The following PRSS12 variants were observed in gnomAD, a reference collection of about 807,000 sequenced individuals.
PRSS12 encodes the protein neurotrypsin.
Under a neutral mutation model 104.4 loss-of-function variants are expected in PRSS12, and 85 were observed. That is an observed-to-expected ratio of 0.81 (90% CI 0.68 to 0.98). PRSS12 has a LOEUF of 0.98. PRSS12 is among the 50% of genes least tolerant of loss of function. PRSS12 has a pLI of 0.00. For missense variants in PRSS12, 1,141 were observed against 1,139.2 expected (o/e 1.00, Z -0.02); for synonymous variants, 454 against 425.2 (o/e 1.07, Z -0.83).
At chr4:118,327,217 C>A (rs1350733944) in intron 4 of PRSS12, among the ~76,000 whole-genome samples, 1 of 152,006 alleles carries the variant, frequency 6.6e-6, no homozygotes, top group Non-Finnish European at 1.5e-5. Flanking sequence ...TGCAGTGGTG[C>A]AACTGCAACT....
intron 4 of PRSS12, among the ~76,000 whole-genome samples, chr4:118,321,202 G>A (rs943304796): frequency 6.6e-6 from 1 of 152,150 alleles, no homozygotes; most frequent in African/African-American, 2.4e-5. Context: ...TTTGCTAAGG[G>A]AAATGTAATG....
chr4:118,342,405 A>C (rs370541387), intron 1 of PRSS12, among the ~76,000 whole-genome samples: 47 of 152,306 alleles, frequency 3.1e-4, no homozygotes, highest in African/African-American at 9.6e-4. Context: ...TCGATACTCT[A>C]GTCAGAGCTT....
Position 118,281,799 on chromosome 4 carries a change from AGGG to A in PRSS12, c.*134_*136del. The stretch of plus-strand genomic sequence containing the variant: ...TGTTCACAAATTTCTCAAAAGCAGC[AGGG>A]GGTACACAATTTTTTACCACAACAC... On this transcript the variant is annotated 3_prime_UTR_variant, in exon 13 of 13. Transcript: ENST00000296498. 1.4e-6 allele frequency: 1 copy of A among 692,124 alleles called. No homozygotes were observed. Among genetic ancestry groups the A allele is most frequent in the Non-Finnish European group, 2.6e-6 (1 of 377,880 alleles). The allele number at this position is 692,124 out of a possible 1,614,324, so 42.9% of individuals were successfully genotyped here. A position where few individuals can be genotyped will look rare whatever the true frequency, so the allele number is the denominator to read the frequency against.
rs1724532461 is a variant in PRSS12, at chr4:118,352,354, G to A, written c.367C>T (p.Pro123Ser). The change falls in exon 1 of 13, where the codon CCC becomes TCC. Residue 123 changes from proline to serine, a missense_variant. By Grantham distance (74) the Pro-to-Ser change is moderately conservative (BLOSUM62 -1). Transcript: ENST00000296498. ...AEVPPFLERSPPASWAQLRGQ... is the reference protein window; with the variant it reads ...AEVPPFLERSSPASWAQLRGQ... ...CGCAGCTGAGCCCAGCTCGCTGGGG[G>A]CGACCGCTCCAGGAAGGGTGGCACC... The A allele has an allele frequency of 2.5e-6, 4 of 1,570,872 alleles. No homozygotes were observed. The East Asian group carries it at 6.9e-5, about 27-fold the overall frequency.
At chr4:118,299,765 TAAATAAAATAAAATA>T (rs1258442709) in intron 8 of PRSS12, among the ~76,000 whole-genome samples, 2 of 77,338 alleles carry the variant, frequency 2.6e-5, no homozygotes, top group African/African-American at 9.7e-5. Context: ...TAAATAAAAT[TAAATAAAATAAAATA>T]AAATAAAATA....
Position 118,326,916 on chromosome 4 carries a change from T to C in PRSS12, c.971+4800A>G, listed in dbSNP as rs57988254. ...AATCTTTTGGCTTCCCTGGGCCACATTGGAAGAAGAAGACTTATCTTGGGC... is the reference window on the plus strand; with the variant it reads ...AATCTTTTGGCTTCCCTGGGCCACACTGGAAGAAGAAGACTTATCTTGGGC... On this transcript the variant is annotated intron_variant, in intron 4 of 12. Coordinates refer to ENST00000296498, the MANE Select transcript of PRSS12 (RefSeq NM_003619.4). 5.2e-3 allele frequency among the ~76,000 whole-genome samples: 797 copies of C among 152,236 alleles called. 4 individuals are homozygous for C. The highest frequency in any genetic ancestry group is 0.017 in the African/African-American group (725 of 41,550).
chr4:118,309,661 C>T (rs954428681), intron 7 of PRSS12, among the ~76,000 whole-genome samples: 36 of 152,138 alleles, frequency 2.4e-4, no homozygotes, highest in African/African-American at 7.5e-4. Context: ...TACCTAGTTA[C>T]TAGAAGGGTC....
chr4:118,327,534 C>T (rs1442878939), intron 4 of PRSS12, among the ~76,000 whole-genome samples: 1 of 151,846 alleles, frequency 6.6e-6, no homozygotes, highest in Admixed American at 6.6e-5. Flanking sequence ...AATTTTAGAG[C>T]AAAAAAGTAA....
chr4:118,331,582 T>A, intron 4 of PRSS12, 134 bp downstream of exon 4: 1 of 1,213,310 alleles, frequency 8.2e-7, no homozygotes, highest in Non-Finnish European at 1.2e-6. Flanking sequence ...CCTACAGCCC[T>A]ACTACAAAGA....
At chr4:118,302,569 G>T (rs956714266) in intron 8 of PRSS12, among the ~76,000 whole-genome samples, 3 of 152,140 alleles carry the variant, frequency 2.0e-5, no homozygotes, top group African/African-American at 7.2e-5. Context: ...TGGGATTAGA[G>T]GCATAAGCCA....
chr4:118,284,328 A>G (rs1742966801), intron 11 of PRSS12, among the ~76,000 whole-genome samples: 1 of 152,184 alleles, frequency 6.6e-6, no homozygotes, highest in African/African-American at 2.4e-5. Flanking sequence ...CCTCTGACCT[A>G]GAATGCATGA....
intron 10 of PRSS12, 103 bp from the exon 11 acceptor site, chr4:118,295,164 TG>T: frequency 6.9e-7 from 1 of 1,445,720 alleles, no homozygotes; most frequent in South Asian, 1.2e-5. Flanking sequence ...GCCTTGCAGG[TG>T]GGGGAAAAGG....
chr4:118,283,950 TAA>T (rs1024774735), intron 11 of PRSS12, among the ~76,000 whole-genome samples: 3 of 152,268 alleles, frequency 2.0e-5, no homozygotes, highest in Admixed American at 6.5e-5. Flanking sequence ...AAAAATTGAT[TAA>T]GTTAGTGAAT....
intron 9 of PRSS12, 65 bp downstream of exon 9, chr4:118,298,668 G>T: frequency 7.1e-7 from 1 of 1,416,176 alleles, no homozygotes; most frequent in Non-Finnish European, 1.0e-6. Context: ...TCAAAGTACT[G>T]CTTATAGTAA....
At chr4:118,284,395 C>T (rs897828334) in intron 11 of PRSS12, among the ~76,000 whole-genome samples, 2 of 152,202 alleles carry the variant, frequency 1.3e-5, no homozygotes, top group African/African-American at 4.8e-5. Context: ...GCTCCATGCT[C>T]ATTGCATTCC....
intron 11 of PRSS12, among the ~76,000 whole-genome samples, chr4:118,294,713 T>A (rs1381007192): frequency 6.6e-6 from 1 of 152,164 alleles, no homozygotes; most frequent in Non-Finnish European, 1.5e-5. Flanking sequence ...CCCCTGTTCT[T>A]CTATTCTCCC....
intron 3 of PRSS12, among the ~76,000 whole-genome samples, chr4:118,333,549 T>C (rs973837194): frequency 6.6e-6 from 1 of 152,232 alleles, no homozygotes; most frequent in African/African-American, 2.4e-5. Context: ...TGAATGATGG[T>C]AATATAATTC....
chr4:118,285,868 G>A (rs1315549671), intron 11 of PRSS12, among the ~76,000 whole-genome samples: 1 of 151,766 alleles, frequency 6.6e-6, no homozygotes, highest in Non-Finnish European at 1.5e-5. Flanking sequence ...TATTGCAACA[G>A]TATTTTCCAT....
chr4:118,316,131 T>G (rs1743901228), intron 6 of PRSS12, 51 bp downstream of exon 6: 1 of 1,601,142 alleles, frequency 6.2e-7, no homozygotes, highest in African/African-American at 1.3e-5. Context: ...TAATAAGACT[T>G]TTAACAATAT....
Sources: allele counts gnomAD v4.1 joint callset (sites outside exome capture counted in the v4.1 genomes callset), GRCh38; gene constraint gnomAD v4.1.1; transcripts MANE v1.5; gene names NCBI Gene and HGNC (gene_info 2026-07-23, HGNC 2026-07-21).